WWC2: variants seen among roughly 807,000 people sequenced by gnomAD.
WWC2 encodes the protein protein WWC2.
Under a neutral mutation model 138.5 loss-of-function variants are expected in WWC2, and 101 were observed. The ratio of observed to expected loss-of-function variants is 0.73; its 90% CI spans 0.62 to 0.86. The LOEUF (loss-of-function observed/expected upper bound fraction) is 0.86. WWC2 is among the 40% of genes least tolerant of loss of function. WWC2 has a pLI of 0.00. For missense variants in WWC2, 1,420 were observed against 1,419.4 expected (o/e 1.00, Z -0.01); for synonymous variants, 558 against 538.4 (o/e 1.04, Z -0.50).
chr4:183,180,679 T>C (rs1175137311), intron 1 of WWC2, among the ~76,000 whole-genome samples: 1 of 152,128 alleles, frequency 6.6e-6, no homozygotes, highest in Non-Finnish European at 1.5e-5. Context: ...GCATGCTATA[T>C]AATAACATTA....
At chr4:183,217,057 C>G (rs1421506571) in intron 4 of WWC2, among the ~76,000 whole-genome samples, 1 of 152,150 alleles carries the variant, frequency 6.6e-6, no homozygotes, top group Non-Finnish European at 1.5e-5. Context: ...GAGGCTAGTG[C>G]TGCATTGGAC....
Position 183,261,537 on chromosome 4 carries a change from A to T in WWC2, c.1909+5A>T, listed in dbSNP as rs1322845602. The T allele has an allele frequency of 3.1e-6, 5 of 1,607,212 alleles. No homozygotes were observed. Among genetic ancestry groups the T allele is most frequent in the Middle Eastern group, 1.7e-4 (1 of 6,026 alleles). The stretch of plus-strand genomic sequence containing the variant: ...CATTATATGAAGGAACTGCAGGTAA[A>T]TGCAGCCCTTTGCTTTCATGTATTC... On this transcript the variant is annotated splice_donor_5th_base_variant and intron_variant, in intron 11 of 22. Coordinates refer to ENST00000403733, the MANE Select transcript of WWC2 (RefSeq NM_024949.6).
intron 21 of WWC2, among the ~76,000 whole-genome samples, chr4:183,300,938 G>A (rs572262255): frequency 6.6e-6 from 1 of 152,224 alleles, no homozygotes; most frequent in East Asian, 1.9e-4. Context: ...AGGATCCTGC[G>A]AGCCTGTCTT....
chr4:183,134,415 A>G (rs991410360), intron 1 of WWC2, among the ~76,000 whole-genome samples: 18 of 152,162 alleles, frequency 1.2e-4, no homozygotes, highest in Non-Finnish European at 1.0e-4. Flanking sequence ...AAACCTAAGT[A>G]CATTGTGCTT....
chr4:183,233,033 A>T (rs576843776), intron 4 of WWC2, among the ~76,000 whole-genome samples: 52 of 151,352 alleles, frequency 3.4e-4, no homozygotes, highest in African/African-American at 1.1e-3. Context: ...CTGTGAACTT[A>T]CATGTACAAG....
At chr4:183,225,829 C>T (rs918210207) in intron 4 of WWC2, among the ~76,000 whole-genome samples, 3 of 152,150 alleles carry the variant, frequency 2.0e-5, no homozygotes, top group Non-Finnish European at 4.4e-5. Context: ...GGAGCTTATG[C>T]TGTATTGGGG....
chr4:183,113,039 G>A (rs575883130), intron 1 of WWC2, among the ~76,000 whole-genome samples: 3 of 152,186 alleles, frequency 2.0e-5, no homozygotes, highest in South Asian at 2.1e-4. Context: ...TTGGGAGGCC[G>A]AGGCAGGTGG....
At chr4:183,208,911 C>T (rs1357391762) in intron 3 of WWC2, 38 bp from the exon 4 acceptor site, 1 of 1,400,426 alleles carries the variant, frequency 7.1e-7, no homozygotes, top group Non-Finnish European at 9.9e-7. Flanking sequence ...AGTTATGCAA[C>T]TTGTAAATAA....
intron 8 of WWC2, among the ~76,000 whole-genome samples, 200 bp from the exon 9 acceptor site, chr4:183,253,557 G>C (rs1737040906): frequency 6.6e-6 from 1 of 152,136 alleles, no homozygotes; most frequent in Non-Finnish European, 1.5e-5. Context: ...TGACAGCTGA[G>C]TGCAGAGACA....
rs1338110042 is a variant in WWC2 at position 183,245,558 on chromosome 4, A to T, written c.732+13A>T. On this transcript the variant is annotated intron_variant, in intron 6 of 22. Transcript: ENST00000403733. ...AGATCTGATGCAGGTACATTATAAA[A>T]CATTTTGTTAAGCCAAACTTCTACC... is the stretch of plus-strand genomic sequence containing the variant. 3.8e-6 allele frequency: 6 copies of T among 1,567,066 alleles called. No homozygotes were observed. The highest frequency in any genetic ancestry group is 1.7e-4 in the Middle Eastern group (1 of 5,802).
chr4:183,249,613 C>T (rs1020188830), intron 7 of WWC2, among the ~76,000 whole-genome samples: 1 of 152,168 alleles, frequency 6.6e-6, no homozygotes, highest in Non-Finnish European at 1.5e-5. Flanking sequence ...CCTGTACACC[C>T]TTCATAAACT....
At chr4:183,246,639 T>C (rs963046324) in intron 6 of WWC2, among the ~76,000 whole-genome samples, 1 of 152,222 alleles carries the variant, frequency 6.6e-6, no homozygotes, top group Admixed American at 6.5e-5. Flanking sequence ...TAGGCACTGT[T>C]ATTATTCTCA....
intron 1 of WWC2, among the ~76,000 whole-genome samples, chr4:183,185,343 G>A (rs1483475126): frequency 1.3e-5 from 2 of 152,126 alleles, no homozygotes; most frequent in Admixed American, 1.3e-4. Flanking sequence ...AGCTTAAGTA[G>A]TCAGACAATA....
At chr4:183,116,800 C>T (rs1311257579) in intron 1 of WWC2, among the ~76,000 whole-genome samples, 1 of 152,214 alleles carries the variant, frequency 6.6e-6, no homozygotes, top group African/African-American at 2.4e-5. Context: ...ATTATTTTCT[C>T]AAATTAGGTT....
chr4:183,312,449 C>T lies in WWC2; in HGVS notation c.3493C>T (p.Arg1165Trp), dbSNP rs766916505. The change falls in exon 22 of 23, where the codon CGG (arginine) becomes TGG (tryptophan). Residue 1165 changes from arginine (R) to tryptophan (W), a missense_variant. By Grantham distance (101) the Arg-to-Trp change is moderately radical. Coordinates refer to ENST00000403733, the MANE Select transcript of WWC2 (RefSeq NM_024949.6). ...CCGGGAGCAGAGCCAGAAGGTGCCT[C>T]GGCAGGTGCAGTCCTTCAGGTGAAT... ...RLREQSQKVP[R>W]QVQSFREKIA... The T allele has an allele frequency of 6.8e-6, 11 of 1,613,766 alleles. No homozygotes were observed. Among genetic ancestry groups the T allele is most frequent in the East Asian group, 2.2e-5 (1 of 44,866 alleles).
chr4:183,122,808 C>T (rs532693761), intron 1 of WWC2, among the ~76,000 whole-genome samples: 23 of 152,160 alleles, frequency 1.5e-4, no homozygotes, highest in African/African-American at 4.8e-4. Context: ...CATGAGCCAC[C>T]GTGCCTGGCC....
intron 21 of WWC2, among the ~76,000 whole-genome samples, chr4:183,305,229 T>C (rs1202625185): frequency 1.3e-5 from 2 of 151,154 alleles, no homozygotes; most frequent in Admixed American, 6.6e-5. Flanking sequence ...GAAAAGAGAC[T>C]GGAGAAAAAA....
In WWC2 at chr4:183,315,772, T is replaced by G; in HGVS notation, c.*43T>G. 1 of 1,526,058 alleles carries G rather than the reference T, an allele frequency of 6.6e-7. No individual in the cohort carries two copies. Among genetic ancestry groups the G allele is most frequent in the Middle Eastern group, 1.7e-4 (1 of 5,882 alleles). 94.5% of individuals were successfully genotyped at this position (1,526,058 alleles called of 1,614,324 possible). On this transcript the variant is annotated 3_prime_UTR_variant, in exon 23 of 23. Transcript: ENST00000403733. ...TTATTTTTTCATCTGTTCACTTTCT[T>G]AGGGAGGGTAAAAGACTGAAGATTT...
chr4:183,237,498 A>C (rs1055627475), intron 4 of WWC2, among the ~76,000 whole-genome samples: 2 of 152,138 alleles, frequency 1.3e-5, no homozygotes, highest in African/African-American at 4.8e-5. Flanking sequence ...TTCATATTAC[A>C]CCACCTTTAA....
Sources: allele counts gnomAD v4.1 joint callset (sites outside exome capture counted in the v4.1 genomes callset), GRCh38; gene constraint gnomAD v4.1.1; transcripts MANE v1.5; gene names NCBI Gene and HGNC (gene_info 2026-07-23, HGNC 2026-07-21).